Variants in AP2B1 observed in about 807,000 individuals in gnomAD.
The protein encoded by AP2B1 is AP-2 complex subunit beta.
In AP2B1, 23 loss-of-function variants were observed where a neutral mutation model predicts 102.0. The ratio of observed to expected loss-of-function variants is 0.23; its 90% CI spans 0.16 to 0.32. The LOEUF is 0.32. AP2B1 is among the 10% of genes least tolerant of loss of function. The probability of loss-of-function intolerance (pLI) is 1.00; values close to 1 mark genes in which losing one functional copy is unlikely to be tolerated. For synonymous variants in AP2B1, 381 were observed against 421.2 expected, an observed-to-expected ratio of 0.90 and a Z score of 1.17; for missense variants, 541 against 1,157.4, an observed-to-expected ratio of 0.47 and a Z score of 7.73.
At chr17:35,644,338 G>A (rs1015314428) in intron 12 of AP2B1, among the ~76,000 whole-genome samples, 1 of 152,124 alleles carries the variant, frequency 6.6e-6, no homozygotes, top group Non-Finnish European at 1.5e-5. Context: ...TAAGGTCTTT[G>A]TGGATGATTA....
Position 35,622,760 on chromosome 17 carries a change from G to A in AP2B1, c.526-1637G>A, listed in dbSNP as rs141584278. ...GCTCACTGCAACCTTCACCTCCCGG[G>A]TTCAAGCAGTTCTCCTGCCTCAGCC... is the stretch of plus-strand genomic sequence containing the variant. On this transcript the variant is annotated intron_variant, in intron 5 of 21. Transcript: ENST00000610402. Among the ~76,000 whole-genome samples, 833 of 152,244 alleles carry A rather than the reference G, an allele frequency of 5.5e-3. 3 individuals carry two copies. The highest frequency in any genetic ancestry group is 0.02 in the Middle Eastern group (6 of 294).
At chr17:35,687,848 G>C (rs777916120) in intron 18 of AP2B1, among the ~76,000 whole-genome samples, 2 of 152,098 alleles carry the variant, frequency 1.3e-5, no homozygotes, top group African/African-American at 4.8e-5. Context: ...TCCACACCCT[G>C]CCCAGTGTTT....
chr17:35,677,344 C>T (rs1319227883), intron 17 of AP2B1, among the ~76,000 whole-genome samples: 3 of 152,080 alleles, frequency 2.0e-5, no homozygotes, highest in African/African-American at 4.8e-5. Flanking sequence ...ATGACTTAGG[C>T]TTTTTGTGTT....
At chr17:35,647,323 A>T (rs1368383451) in intron 12 of AP2B1, among the ~76,000 whole-genome samples, 1 of 152,176 alleles carries the variant, frequency 6.6e-6, no homozygotes, top group Non-Finnish European at 1.5e-5. Flanking sequence ...TCAAATGAAG[A>T]TCTAAATGAG....
intron 10 of AP2B1, among the ~76,000 whole-genome samples, chr17:35,638,895 C>T (rs2074689249): frequency 6.6e-6 from 1 of 151,928 alleles, no homozygotes; most frequent in African/African-American, 2.4e-5. Flanking sequence ...TGTCTAACTT[C>T]ATTTGCCTAA....
chr17:35,710,630 C>G (rs782439654), intron 20 of AP2B1, among the ~76,000 whole-genome samples: 1 of 152,210 alleles, frequency 6.6e-6, no homozygotes, highest in Non-Finnish European at 1.5e-5. Flanking sequence ...TGAAGTGGCA[C>G]TTGAGAACAT....
Position 35,691,721 on chromosome 17 carries a change from AAAAATATTCCACCT to A in AP2B1, c.2454+8909_2454+8922del, listed in dbSNP as rs375777806. Among the ~76,000 whole-genome samples the A allele has an allele frequency of 1.0e-2, 1,522 of 152,322 alleles. 19 individuals are homozygous for A. Among genetic ancestry groups the A allele is most frequent in the African/African-American group, 0.034 (1,433 of 41,574 alleles). Reference sequence around the variant, plus strand: ...CTATCCAAATGATCCCTGTAGACCTAAAAATATTCCACCTAAAATATTCCATAAGCAGTATGTAG... The same window carrying A: ...CTATCCAAATGATCCCTGTAGACCTAAAAATATTCCATAAGCAGTATGTAG... On this transcript the variant is annotated intron_variant, in intron 18 of 21. Coordinates refer to ENST00000610402, the MANE Select transcript of AP2B1 (RefSeq NM_001030006.2).
At position 35,642,042 on chromosome 17, in the gene AP2B1, C is replaced by T. The variant is rs149295143; in HGVS notation, c.1536+67C>T. ...TCAAATTGTAGGAAATTATGAAACT[C>T]TTCCTAGGGGATTCATTTGGGGAAG... On this transcript the variant is annotated intron_variant, in intron 12 of 21. Coordinates refer to ENST00000610402, the MANE Select transcript of AP2B1 (RefSeq NM_001030006.2). 1,081 of 1,187,920 alleles carry T rather than the reference C, an allele frequency of 9.1e-4. 9 individuals carry two copies. The African/African-American group carries it at 0.014, about 16-fold the overall frequency. The allele number at this position is 1,187,920 out of a possible 1,614,324, so 73.6% of individuals were successfully genotyped here. A position where few individuals can be genotyped will look rare whatever the true frequency, so the allele number is the denominator to read the frequency against.
chr17:35,722,067 C>T (rs2085410309), intron 21 of AP2B1, among the ~76,000 whole-genome samples: 1 of 152,072 alleles, frequency 6.6e-6, no homozygotes, highest in South Asian at 2.1e-4. Flanking sequence ...ATGGCAAAAC[C>T]CCTTCTCTAC....
intron 13 of AP2B1, among the ~76,000 whole-genome samples, chr17:35,652,309 A>G (rs2075108260): frequency 1.3e-5 from 2 of 152,196 alleles, no homozygotes; most frequent in African/African-American, 4.8e-5. Context: ...CATGTCTGTA[A>G]TAGTATTGAC....
rs587686022 is a variant in AP2B1 at position 35,693,031 on chromosome 17, G to A, written c.2454+10207G>A. ...GCGCGGGGCGGTGGGGGGAGGGGCG[G>A]TAAATTGGAGTCTCACTCTGTTGTT... On this transcript the variant is annotated intron_variant, in intron 18 of 21. Transcript: ENST00000610402. Among the ~76,000 whole-genome samples, 347 of 151,916 alleles carry A rather than the reference G, an allele frequency of 2.3e-3. 1 individual carries two copies. Among genetic ancestry groups the A allele is most frequent in the African/African-American group, 7.9e-3 (328 of 41,432 alleles).
intron 5 of AP2B1, among the ~76,000 whole-genome samples, chr17:35,620,013 T>A (rs1237854554): frequency 3.9e-5 from 6 of 152,196 alleles, no homozygotes; most frequent in Non-Finnish European, 1.5e-5. Flanking sequence ...CCCAAGCTTC[T>A]GGCCTCAAGT....
At chr17:35,715,774 TAG>T (rs1450903409) in intron 20 of AP2B1, among the ~76,000 whole-genome samples, 3 of 152,226 alleles carry the variant, frequency 2.0e-5, no homozygotes, top group Non-Finnish European at 4.4e-5. Context: ...ACTCCTCAAA[TAG>T]AGCCATTTCT....
At chr17:35,593,393 A>G (rs2073163039) in intron 1 of AP2B1, among the ~76,000 whole-genome samples, 1 of 152,214 alleles carries the variant, frequency 6.6e-6, no homozygotes, top group Non-Finnish European at 1.5e-5. Flanking sequence ...TCTGCCTGTT[A>G]TCAAAATATC....
At chr17:35,676,149 G>A (rs2075697168) in intron 17 of AP2B1, among the ~76,000 whole-genome samples, 1 of 152,192 alleles carries the variant, frequency 6.6e-6, no homozygotes, top group Non-Finnish European at 1.5e-5. Flanking sequence ...TAAATTGGAG[G>A]CAGATTATAG....
At chr17:35,645,379 A>C (rs1244315046) in intron 12 of AP2B1, among the ~76,000 whole-genome samples, 1 of 152,184 alleles carries the variant, frequency 6.6e-6, no homozygotes, top group Non-Finnish European at 1.5e-5. Context: ...CTGAGAATTA[A>C]GTGAAGTATA....
chr17:35,708,580 C>T (rs2076389719), intron 18 of AP2B1, among the ~76,000 whole-genome samples: 1 of 152,010 alleles, frequency 6.6e-6, no homozygotes, highest in Non-Finnish European at 1.5e-5. Flanking sequence ...ATCAGGTTTA[C>T]CAGTGTTGGG....
chr17:35,591,328 A>G (rs994442131), intron 1 of AP2B1, among the ~76,000 whole-genome samples: 1 of 152,084 alleles, frequency 6.6e-6, no homozygotes, highest in Non-Finnish European at 1.5e-5. Context: ...ATGTGCTACC[A>G]TGCCCGGCTA....
intron 14 of AP2B1, among the ~76,000 whole-genome samples, chr17:35,664,377 C>A (rs1179644304): frequency 1.3e-5 from 2 of 152,176 alleles, no homozygotes; most frequent in East Asian, 3.9e-4. Flanking sequence ...CCTCAGCCTC[C>A]CAAGTAGCTG....
Sources: allele counts gnomAD v4.1 joint callset (sites outside exome capture counted in the v4.1 genomes callset), GRCh38; gene constraint gnomAD v4.1.1; transcripts MANE v1.5; gene names NCBI Gene and HGNC (gene_info 2026-07-23, HGNC 2026-07-21).